The following ALDH3B1 variants were observed in gnomAD, a reference collection of about 807,000 sequenced individuals.
The protein encoded by ALDH3B1 is aldehyde dehydrogenase family 3 member B1.
ALDH3B1 carries 37 observed loss-of-function variants against 46.2 expected under a neutral mutation model. The ratio of observed to expected loss-of-function variants is 0.80; its 90% CI spans 0.62 to 1.05. The LOEUF is 1.05. Among genes scored for constraint, ALDH3B1 ranks in the 50% least tolerant of loss-of-function variants. The pLI is 0.00. For missense variants in ALDH3B1, 603 were observed against 665.5 expected (o/e 0.91, Z 1.03); for synonymous variants, 283 against 281.0 (o/e 1.01, Z -0.07).
chr11:68,028,946 T>C lies in ALDH3B1; in HGVS notation c.*1007T>C, dbSNP rs1565143648. ...GTCATACTCTTCCCCATGCTGCTCATCCTCCTGGGCCCCATCCACTCAGCC... is the reference window on the plus strand; with the variant it reads ...GTCATACTCTTCCCCATGCTGCTCACCCTCCTGGGCCCCATCCACTCAGCC... On this transcript the variant is annotated 3_prime_UTR_variant, in exon 10 of 10. Coordinates refer to ENST00000342456, the MANE Select transcript of ALDH3B1 (RefSeq NM_000694.4). 6.6e-6 allele frequency: 1 copy of C among 152,380 alleles called. No individual in the cohort carries two copies. The highest frequency in any genetic ancestry group is 1.9e-4 in the East Asian group (1 of 5,174). 9.4% of individuals were successfully genotyped at this position (152,380 alleles called of 1,614,324 possible). A position where few individuals can be genotyped will look rare whatever the true frequency, so the allele number is the denominator to read the frequency against.
chr11:68,026,848 G>A (rs1378749633), intron 9 of ALDH3B1, among the ~76,000 whole-genome samples: 3 of 152,216 alleles, frequency 2.0e-5, no homozygotes, highest in Non-Finnish European at 4.4e-5. Flanking sequence ...GCAGCCAGGG[G>A]CACAACAGTG....
rs1857405918 is a variant in ALDH3B1, at chr11:68,018,579, C to A, written c.215C>A (p.Thr72Asn). The A allele has an allele frequency of 1.3e-6, 2 of 1,584,656 alleles. No individual in the cohort carries two copies. Among genetic ancestry groups the A allele is most frequent in the African/African-American group, 2.7e-5 (2 of 74,216 alleles). Residue 72 changes from threonine to asparagine, a missense_variant, in exon 3 of 10, where the codon ACC becomes AAC. Transcript: ENST00000342456. The stretch of plus-strand genomic sequence containing the variant: ...GTTGCCATCAGCCAGGGCGAGGTCA[C>A]CCTGGCCCTCAGGAACCTCCGGGCC... Reference protein sequence around the residue: ...SEVAISQGEVTLALRNLRAWM... With the variant: ...SEVAISQGEVNLALRNLRAWM...
At chr11:68,023,903 C>T (rs578088043) in intron 8 of ALDH3B1, among the ~76,000 whole-genome samples, 27 of 150,966 alleles carry the variant, frequency 1.8e-4, no homozygotes, top group Non-Finnish European at 3.8e-4. Context: ...AGATTAGTTG[C>T]GCATAGTGGC....
chr11:68,028,158 A>G lies in ALDH3B1; in HGVS notation c.*219A>G, dbSNP rs1854629422. ...AACCATGAGAGCCGAGGTGGGAGGCATGGGAAACAGTGCAGTGACTCACCC... is the reference window on the plus strand; with the variant it reads ...AACCATGAGAGCCGAGGTGGGAGGCGTGGGAAACAGTGCAGTGACTCACCC... On this transcript the variant is annotated 3_prime_UTR_variant, in exon 10 of 10. Transcript: ENST00000342456. 1 of 758,548 alleles carries G rather than the reference A, an allele frequency of 1.3e-6. No homozygotes were observed. Among genetic ancestry groups the G allele is most frequent in the South Asian group, 1.4e-5 (1 of 71,272 alleles). 47.0% of individuals were successfully genotyped at this position (758,548 alleles called of 1,614,324 possible). A position where few individuals can be genotyped will look rare whatever the true frequency, so the allele number is the denominator to read the frequency against.
chr11:68,018,186 G>C, intron 2 of ALDH3B1: 1 of 321,112 alleles, frequency 3.1e-6, no homozygotes. Flanking sequence ...GTATACATGT[G>C]CACACCTGTG....
At chr11:68,019,056 T>C (rs1321456864) in intron 4 of ALDH3B1, 114 bp from the exon 5 acceptor site, 1 of 1,458,426 alleles carries the variant, frequency 6.9e-7, no homozygotes, top group East Asian at 2.5e-5. Flanking sequence ...ATGTTACCTC[T>C]CTGAACCAGG....
intron 8 of ALDH3B1, among the ~76,000 whole-genome samples, chr11:68,025,483 G>A (rs1857599140): frequency 6.6e-6 from 1 of 152,164 alleles, no homozygotes; most frequent in Non-Finnish European, 1.5e-5. Flanking sequence ...CTTCAAGCAA[G>A]GGCCAAGCTT....
intron 7 of ALDH3B1, among the ~76,000 whole-genome samples, chr11:68,022,152 T>C (rs1371092657): frequency 1.3e-5 from 2 of 152,170 alleles, no homozygotes; most frequent in South Asian, 2.1e-4. Flanking sequence ...CACCACTGGC[T>C]ATCCTGAAAG....
intron 8 of ALDH3B1, among the ~76,000 whole-genome samples, chr11:68,025,592 C>A (rs1857602490): frequency 1.3e-5 from 2 of 152,170 alleles, no homozygotes; most frequent in African/African-American, 4.8e-5. Flanking sequence ...GCAGTGCCCT[C>A]TTTGCCTGAA....
chr11:68,018,628 C>A lies in ALDH3B1; in HGVS notation c.264C>A (p.Pro88=). The A allele has an allele frequency of 6.3e-7, 1 of 1,575,890 alleles. No homozygotes were observed. The change falls in exon 3 of 10, where the codon CCC becomes CCA. Residue 88 remains proline, a synonymous_variant. Transcript: ENST00000342456. Reference sequence around the variant, plus strand: ...CCTGGATGAAGGACGAGCGTGTGCCCAAGAACCTGGTGAGCCGGCCGGGCT... The same window carrying A: ...CCTGGATGAAGGACGAGCGTGTGCCAAAGAACCTGGTGAGCCGGCCGGGCT... ...LRAWMKDERV[P]KNLATQLDSA...
At chr11:68,016,191 G>C (rs573489943) in intron 2 of ALDH3B1, 1 of 152,904 alleles carries the variant, frequency 6.5e-6, no homozygotes, top group South Asian at 2.1e-4. Flanking sequence ...GTGGGGGTCA[G>C]GGAAGGTTTC....
At chr11:68,014,025 C>T (rs1271610120) in intron 1 of ALDH3B1, among the ~76,000 whole-genome samples, 1 of 152,260 alleles carries the variant, frequency 6.6e-6, no homozygotes, top group East Asian at 1.9e-4. Context: ...AAGGTGGCCA[C>T]TTAACAATCA....
intron 6 of ALDH3B1, 68 bp downstream of exon 6, chr11:68,019,864 T>G: frequency 6.6e-7 from 1 of 1,509,932 alleles, no homozygotes; most frequent in Non-Finnish European, 9.2e-7. Context: ...GTCCTGTCCC[T>G]AACTCTGGGA....
intron 6 of ALDH3B1, 103 bp downstream of exon 6, chr11:68,019,899 T>C: frequency 4.8e-6 from 2 of 414,974 alleles, no homozygotes; most frequent in Non-Finnish European, 7.4e-6. Context: ...TGAATTCTCC[T>C]CTCTCTCTCT....
intron 1 of ALDH3B1, among the ~76,000 whole-genome samples, chr11:68,010,803 C>G (rs1482193035): frequency 6.6e-6 from 1 of 152,228 alleles, no homozygotes; most frequent in Non-Finnish European, 1.5e-5. Flanking sequence ...TGGGCACCAG[C>G]CTGCATGCCC....
At chr11:68,013,227 G>A (rs922374919) in intron 1 of ALDH3B1, among the ~76,000 whole-genome samples, 2 of 152,190 alleles carry the variant, frequency 1.3e-5, no homozygotes, top group Admixed American at 6.5e-5. Flanking sequence ...TGAGTGACCC[G>A]TAGGGGCAAT....
intron 2 of ALDH3B1, 73 bp downstream of exon 2, chr11:68,015,532 G>C: frequency 1.3e-6 from 2 of 1,543,198 alleles, no homozygotes; most frequent in Non-Finnish European, 1.8e-6. Flanking sequence ...GACAGCAGGG[G>C]ATGAAGACAC....
intron 6 of ALDH3B1, among the ~76,000 whole-genome samples, chr11:68,020,871 G>C (rs931621557): frequency 7.2e-5 from 11 of 152,198 alleles, no homozygotes; most frequent in Non-Finnish European, 1.6e-4. Flanking sequence ...GGCCCAGACA[G>C]GGCTAGGGCA....
At chr11:68,017,010 C>G (rs1200082709) in intron 2 of ALDH3B1, 1 of 152,452 alleles carries the variant, frequency 6.6e-6, no homozygotes, top group East Asian at 1.9e-4. Context: ...CAGCATCTGC[C>G]CAGCGTCACG....
Sources: gnomAD v4.1 joint callset for allele counts (sites outside exome capture counted in the v4.1 genomes callset) on GRCh38, gnomAD v4.1.1 for gene constraint, MANE v1.5 for transcripts, NCBI Gene and HGNC (gene_info 2026-07-23, HGNC 2026-07-21) for gene names.